Variants in PPA2 observed in about 807,000 individuals in gnomAD.
The protein encoded by PPA2 is inorganic pyrophosphatase 2, also known as inorganic pyrophosphatase 2, mitochondrial.
In PPA2, 48 loss-of-function variants were observed where a neutral mutation model predicts 49.5. The observed-to-expected ratio is 0.97, with a 90% CI of 0.77 to 1.23. The LOEUF (loss-of-function observed/expected upper bound fraction) is 1.23. Ranked by LOEUF, PPA2 falls within the 50% of genes most tolerant of loss-of-function variation. The pLI, the probability that PPA2 is intolerant of heterozygous loss-of-function variation, is 0.00. For missense variants in PPA2, 429 were observed against 410.1 expected, an observed-to-expected ratio of 1.05 and a Z score of -0.40; for synonymous variants, 131 against 139.9, an observed-to-expected ratio of 0.94 and a Z score of 0.45.
Position 105,473,962 on chromosome 4 carries a change from C to A in PPA2, c.89G>T (p.Arg30Leu). The change falls in exon 1 of 12, where the codon CGT becomes CTT. Residue 30 changes from arginine (R) to leucine (L), a missense_variant. Arg to Leu is a moderately radical substitution (Grantham distance 102, BLOSUM62 -2). Coordinates refer to ENST00000341695, the MANE Select transcript of PPA2 (RefSeq NM_176869.3). ...LGTSAGTGSR[R>L]AMALYHTEER... The stretch of plus-strand genomic sequence containing the variant: ...CTCAGTGTGGTACAGGGCCATAGCA[C>A]GGCGCGACCCGGTCCCTGCACTGGT... 3.7e-6 allele frequency: 6 copies of A among 1,611,764 alleles called. No individual in the cohort carries two copies. The highest frequency in any genetic ancestry group is 5.1e-6 in the Non-Finnish European group (6 of 1,179,276).
chr4:105,440,162 C>T (rs1181759136), intron 5 of PPA2, among the ~76,000 whole-genome samples: 1 of 152,140 alleles, frequency 6.6e-6, no homozygotes, highest in Non-Finnish European at 1.5e-5. Context: ...TCCCATTGGC[C>T]TAAAGGAAAA....
chr4:105,417,458 G>A (rs1042534252), intron 7 of PPA2, among the ~76,000 whole-genome samples: 1 of 151,932 alleles, frequency 6.6e-6, no homozygotes, highest in African/African-American at 2.4e-5. Context: ...GGCTTTGAGA[G>A]GTTATGACTT....
At chr4:105,407,894 A>G (rs554420909) in intron 7 of PPA2, among the ~76,000 whole-genome samples, 2 of 152,284 alleles carry the variant, frequency 1.3e-5, no homozygotes, top group East Asian at 3.9e-4. Context: ...GGTGATGGAA[A>G]TGTTTTGTAT....
intron 7 of PPA2, among the ~76,000 whole-genome samples, chr4:105,416,493 C>T (rs778544453): frequency 6.6e-6 from 1 of 152,228 alleles, no homozygotes; most frequent in South Asian, 2.1e-4. Flanking sequence ...ACAACACTCT[C>T]ATCCCAGTAC....
At chr4:105,470,634 A>C (rs968915623) in intron 1 of PPA2, among the ~76,000 whole-genome samples, 1 of 152,244 alleles carries the variant, frequency 6.6e-6, no homozygotes, top group Non-Finnish European at 1.5e-5. Flanking sequence ...AATAATAAGG[A>C]TTTTAGTCTA....
At chr4:105,472,316 G>A (rs188819818) in intron 1 of PPA2, among the ~76,000 whole-genome samples, 2 of 152,214 alleles carry the variant, frequency 1.3e-5, no homozygotes, top group African/African-American at 4.8e-5. Flanking sequence ...TGCGCTCCTG[G>A]CTTCTCAAGC....
At chr4:105,432,486 T>C (rs1025598519) in intron 6 of PPA2, among the ~76,000 whole-genome samples, 5 of 152,232 alleles carry the variant, frequency 3.3e-5, no homozygotes, top group African/African-American at 1.2e-4. Context: ...TTCTGTCATT[T>C]TGAATAATAA....
intron 2 of PPA2, chr4:105,453,966 A>G (rs376725510): frequency 5.4e-5 from 11 of 205,240 alleles, no homozygotes; most frequent in African/African-American, 2.3e-4. Flanking sequence ...ATTATGCTTA[A>G]AACAGTCATT....
intron 9 of PPA2, 140 bp from the exon 10 acceptor site, chr4:105,386,776 A>G: frequency 1.5e-6 from 1 of 659,114 alleles, no homozygotes; most frequent in South Asian, 2.0e-5. Flanking sequence ...AATAAAAATT[A>G]AGACAATGAA....
chr4:105,440,525 T>C (rs1021238441), intron 5 of PPA2, among the ~76,000 whole-genome samples: 3 of 152,156 alleles, frequency 2.0e-5, no homozygotes, highest in Admixed American at 6.5e-5. Context: ...CCTCCGACAG[T>C]GCTGGGATTA....
intron 7 of PPA2, among the ~76,000 whole-genome samples, chr4:105,418,389 G>A (rs1723105449): frequency 6.6e-6 from 1 of 152,154 alleles, no homozygotes; most frequent in Non-Finnish European, 1.5e-5. Context: ...CTTAGCAAAT[G>A]AACATTTAAG....
At chr4:105,433,054 T>A (rs1440953948) in intron 6 of PPA2, among the ~76,000 whole-genome samples, 2 of 152,216 alleles carry the variant, frequency 1.3e-5, no homozygotes, top group Non-Finnish European at 2.9e-5. Context: ...TATAGACTAG[T>A]ACTTTACTAT....
chr4:105,456,077 A>G (rs1722864106), intron 2 of PPA2: 1 of 357,774 alleles, frequency 2.8e-6, no homozygotes, highest in South Asian at 2.5e-5. Flanking sequence ...TTCTCCTGGC[A>G]TCTTTCACAC....
chr4:105,428,838 G>GA lies in PPA2; in HGVS notation c.529-4517dup, dbSNP rs569675169. Among the ~76,000 whole-genome samples, 30 of 151,996 alleles carry GA rather than the reference G, an allele frequency of 2.0e-4. No homozygotes were observed. In the South Asian group the frequency reaches 6.0e-3, roughly 31 times the overall value. ...ATAATAAAAAATAAATAAATAAACT[G>GA]AAAAAAACTCAATTGAAATGGAAGA... is the stretch of plus-strand genomic sequence containing the variant. On this transcript the variant is annotated intron_variant, in intron 6 of 11. Coordinates refer to ENST00000341695, the MANE Select transcript of PPA2 (RefSeq NM_176869.3).
intron 7 of PPA2, among the ~76,000 whole-genome samples, chr4:105,418,590 T>G (rs1397865225): frequency 6.6e-6 from 1 of 152,242 alleles, no homozygotes; most frequent in Admixed American, 6.5e-5. Context: ...TCATATGATT[T>G]ATTCATCCAC....
chr4:105,425,837 T>C (rs1211171807), intron 6 of PPA2, among the ~76,000 whole-genome samples: 1 of 148,616 alleles, frequency 6.7e-6, no homozygotes, highest in African/African-American at 2.5e-5. Context: ...CCAGTGATAG[T>C]GACAGAGAGT....
Position 105,458,295 on chromosome 4 carries a change from C to G in PPA2, c.158-1550G>C, listed in dbSNP as rs188272307. Among the ~76,000 whole-genome samples the G allele has an allele frequency of 2.4e-3, 358 of 152,140 alleles. 1 individual carries two copies. Among genetic ancestry groups the G allele is most frequent in the Non-Finnish European group, 3.4e-3 (231 of 68,002 alleles). ...CATTAGTGGAAAAACTAGTGAAATC[C>G]AAATAAAATCTGGAGTTTAGTTAAG... is the stretch of plus-strand genomic sequence containing the variant. On this transcript the variant is annotated intron_variant, in intron 1 of 11. Transcript: ENST00000341695.
At chr4:105,405,679 A>T (rs1416497254) in intron 7 of PPA2, 1 of 973,650 alleles carries the variant, frequency 1.0e-6, no homozygotes, top group Non-Finnish European at 1.2e-6. Flanking sequence ...GAGGGGCACT[A>T]AATTCGTGTT....
intron 10 of PPA2, among the ~76,000 whole-genome samples, chr4:105,372,741 C>A (rs1235372007): frequency 1.3e-5 from 2 of 152,132 alleles, no homozygotes; most frequent in African/African-American, 4.8e-5. Flanking sequence ...CCCACCAGCC[C>A]AACTGCAAAT....
Sources: gnomAD v4.1 joint callset for allele counts (sites outside exome capture counted in the v4.1 genomes callset) on GRCh38, gnomAD v4.1.1 for gene constraint, MANE v1.5 for transcripts, NCBI Gene and HGNC (gene_info 2026-07-23, HGNC 2026-07-21) for gene names.